Variants in GLIS3 observed in about 807,000 individuals in gnomAD.
The protein encoded by GLIS3 is GLIS family zinc finger 3.
In GLIS3, 53 loss-of-function variants were observed where a neutral mutation model predicts 78.6. That is an observed-to-expected ratio of 0.67 (90% confidence interval 0.54 to 0.85). GLIS3 has a LOEUF of 0.85. Among genes scored for constraint, GLIS3 ranks in the 40% least tolerant of loss-of-function variants. The pLI, the probability that GLIS3 is intolerant of heterozygous loss-of-function variation, is 0.00. For missense variants in GLIS3, 1,703 were observed against 1,231.1 expected (o/e 1.38, Z -5.74); for synonymous variants, 684 against 509.9 (o/e 1.34, Z -4.60).
chr9:4,359,772 T>A, the GLIS3 span, among the ~76,000 whole-genome samples: 1 of 152,096 alleles, frequency 6.6e-6, no homozygotes, highest in African/African-American at 2.4e-5. Context: ...AACTGAGAGG[T>A]ACACACTGCC....
At chr9:4,327,663 G>A (rs74343204) in intron 2 of GLIS3, among the ~76,000 whole-genome samples, 21,662 of 152,196 alleles carry the variant, frequency 0.14, 1,647 homozygotes, top group East Asian at 0.23. Context: ...GCCAGTCAGT[G>A]CCACCACATC....
At chr9:4,062,744 A>C (rs552155013) in intron 4 of GLIS3, among the ~76,000 whole-genome samples, 1 of 152,138 alleles carries the variant, frequency 6.6e-6, no homozygotes, top group Non-Finnish European at 1.5e-5. Context: ...TGGCTAACAC[A>C]GCGAAACCCC....
At chr9:4,012,430 GA>G (rs200999294) in intron 4 of GLIS3, among the ~76,000 whole-genome samples, 2 of 151,822 alleles carry the variant, frequency 1.3e-5, no homozygotes, top group Admixed American at 6.6e-5. Flanking sequence ...TGTATCAGGG[GA>G]AAAAAATAGA....
upstream of GLIS3, among the ~76,000 whole-genome samples, chr9:4,352,459 T>A (rs1285876056): frequency 6.6e-6 from 1 of 152,258 alleles, no homozygotes; most frequent in Non-Finnish European, 1.5e-5. Context: ...GACTAAGGCA[T>A]GGTGGGGCAT....
chr9:4,452,123 C>T, the GLIS3 span, among the ~76,000 whole-genome samples: 1 of 151,958 alleles, frequency 6.6e-6, no homozygotes, highest in Non-Finnish European at 1.5e-5. Flanking sequence ...AATTCAACAC[C>T]CCTTCATGCT....
At chr9:4,176,858 A>C (rs1199451591) in intron 2 of GLIS3, among the ~76,000 whole-genome samples, 1 of 152,224 alleles carries the variant, frequency 6.6e-6, no homozygotes, top group Non-Finnish European at 1.5e-5. Flanking sequence ...TCCTGACCTC[A>C]GGTGATCCGC....
the GLIS3 span, among the ~76,000 whole-genome samples, chr9:4,483,982 C>T: frequency 6.6e-6 from 1 of 152,126 alleles, no homozygotes; most frequent in Admixed American, 6.6e-5. Context: ...TTAGTTTGGG[C>T]CAAGTGCTTA....
chr9:4,404,166 G>T, the GLIS3 span, among the ~76,000 whole-genome samples: 1 of 152,224 alleles, frequency 6.6e-6, no homozygotes. Context: ...AATTCAGCAA[G>T]AGGATTCAAT....
intron 2 of GLIS3, among the ~76,000 whole-genome samples, chr9:4,246,599 T>G (rs148517301): frequency 2.0e-5 from 3 of 152,280 alleles, no homozygotes; most frequent in Non-Finnish European, 4.4e-5. Flanking sequence ...CAGCAAAGCA[T>G]TTTCCAAACT....
chr9:4,298,140 G>C (rs1316276323), intron 1 of GLIS3, among the ~76,000 whole-genome samples: 1 of 152,130 alleles, frequency 6.6e-6, no homozygotes, highest in Non-Finnish European at 1.5e-5. Context: ...CCGAAAGGGT[G>C]CTGCGGCTGG....
At chr9:4,307,290 T>C (rs562987793) in intron 4 of GLIS3, among the ~76,000 whole-genome samples, 1 of 152,182 alleles carries the variant, frequency 6.6e-6, no homozygotes, top group Non-Finnish European at 1.5e-5. Flanking sequence ...TGATGAGATA[T>C]GTGATAAACA....
intron 2 of GLIS3, among the ~76,000 whole-genome samples, chr9:4,326,539 G>C (rs569050949): frequency 6.1e-5 from 9 of 148,046 alleles, no homozygotes; most frequent in Non-Finnish European, 1.2e-4. Flanking sequence ...TTACCAGGGG[G>C]AGGGAGGAAT....
intron 2 of GLIS3, among the ~76,000 whole-genome samples, chr9:4,171,222 C>T (rs978398159): frequency 6.6e-6 from 1 of 152,168 alleles, no homozygotes; most frequent in Non-Finnish European, 1.5e-5. Context: ...TATAAGTACA[C>T]TCTTCACCAT....
intron 2 of GLIS3, among the ~76,000 whole-genome samples, chr9:4,255,357 C>T (rs192907839): frequency 3.8e-4 from 58 of 152,248 alleles, no homozygotes; most frequent in Admixed American, 3.3e-4. Flanking sequence ...GACTGTGCTC[C>T]TTGGTATCAC....
chr9:4,242,456 C>T (rs904051930), intron 2 of GLIS3, among the ~76,000 whole-genome samples: 12 of 152,122 alleles, frequency 7.9e-5, no homozygotes, highest in Non-Finnish European at 1.6e-4. Context: ...TGAAACCAAC[C>T]ACAGTGGCAT....
At chr9:4,125,553 A>T (rs1302917349) in intron 3 of GLIS3, among the ~76,000 whole-genome samples, 181 bp downstream of exon 3, 1 of 152,126 alleles carries the variant, frequency 6.6e-6, no homozygotes, top group South Asian at 2.1e-4. Flanking sequence ...TTAAGATGAT[A>T]AGATGGCACA....
At chr9:4,349,528 T>C (rs981890677), upstream of GLIS3, among the ~76,000 whole-genome samples, 7 of 151,954 alleles carry the variant, frequency 4.6e-5, no homozygotes, top group African/African-American at 1.7e-4. Flanking sequence ...CAGAAAAAAA[T>C]CCCTGTATGC....
chr9:4,168,768 T>C lies in GLIS3; in HGVS notation c.389-42827A>G, dbSNP rs543343764. ...ACATTCTGCTATGGAATTTTCTCTTTAACGCTGAAGGCCACATTGGGATGC... is the reference window on the plus strand; with the variant it reads ...ACATTCTGCTATGGAATTTTCTCTTCAACGCTGAAGGCCACATTGGGATGC... On this transcript the variant is annotated intron_variant, in intron 2 of 10. Transcript: ENST00000381971. Among the ~76,000 whole-genome samples, 4 of 152,326 alleles carry C rather than the reference T, an allele frequency of 2.6e-5. No individual in the cohort carries two copies. The East Asian group carries it at 7.7e-4, about 29-fold the overall frequency.
chr9:4,027,129 T>C (rs1388965241), intron 4 of GLIS3, among the ~76,000 whole-genome samples: 1 of 152,180 alleles, frequency 6.6e-6, no homozygotes, highest in East Asian at 1.9e-4. Context: ...CCGACTGCAG[T>C]GTAATCAGTT....
Sources: allele counts gnomAD v4.1 joint callset (sites outside exome capture counted in the v4.1 genomes callset), GRCh38; gene constraint gnomAD v4.1.1; transcripts MANE v1.5; gene names NCBI Gene and HGNC (gene_info 2026-07-23, HGNC 2026-07-21).